Variants in ANO2 observed in about 807,000 individuals in gnomAD.
ANO2 encodes anoctamin-2.
Under a neutral mutation model 124.2 loss-of-function variants are expected in ANO2, and 101 were observed. The ratio of observed to expected loss-of-function variants is 0.81; its 90% confidence interval spans 0.69 to 0.96. The LOEUF (loss-of-function observed/expected upper bound fraction) is 0.96. ANO2 is among the 40% of genes least tolerant of loss of function. The pLI, the probability that ANO2 is intolerant of heterozygous loss-of-function variation, is 0.00. For synonymous variants in ANO2, 486 were observed against 482.5 expected, an observed-to-expected ratio of 1.01 and a Z score of -0.09; for missense variants, 1,293 against 1,274.5, an observed-to-expected ratio of 1.01 and a Z score of -0.22.
At chr12:5,579,037 C>T (rs1264667497) in intron 20 of ANO2, among the ~76,000 whole-genome samples, 1 of 152,266 alleles carries the variant, frequency 6.6e-6, no homozygotes, top group Non-Finnish European at 1.5e-5. Flanking sequence ...GGCCCACGGG[C>T]CACAGTTTGC....
chr12:5,717,551 G>A (rs551520997), intron 14 of ANO2, among the ~76,000 whole-genome samples: 6 of 152,262 alleles, frequency 3.9e-5, no homozygotes, highest in East Asian at 3.9e-4. Flanking sequence ...TGTAAGATAC[G>A]TAAGTAACTT....
In ANO2 at chr12:5,862,152, T is replaced by C. The variant is rs58716921; in HGVS notation, c.535-8011A>G. 0.017 allele frequency among the ~76,000 whole-genome samples: 2,638 copies of C among 151,760 alleles called. 68 individuals carry two copies. The highest frequency in any genetic ancestry group is 0.056 in the African/African-American group (2,334 of 41,346). Reference sequence around the variant, plus strand: ...AAGTTCCTGCCTAGGGAAGGAAAGGTGGAAATCTGCTCTGCTGGGAGCTCC... The same window carrying C: ...AAGTTCCTGCCTAGGGAAGGAAAGGCGGAAATCTGCTCTGCTGGGAGCTCC... On this transcript the variant is annotated intron_variant, in intron 3 of 24. Coordinates refer to ENST00000682330, the MANE Select transcript of ANO2 (RefSeq NM_001364791.2). The surrounding 1 kb of genome is among the most constrained non-coding windows in gnomAD (Gnocchi z 4.0).
chr12:5,826,437 CATATATAT>C (rs10526567), intron 7 of ANO2, among the ~76,000 whole-genome samples: 255 of 144,302 alleles, frequency 1.8e-3, no homozygotes, highest in African/African-American at 6.3e-3. Flanking sequence ...TTAATAAACT[CATATATAT>C]ATATATATAT....
chr12:5,629,153 G>A (rs964812683), intron 16 of ANO2, among the ~76,000 whole-genome samples: 3 of 152,262 alleles, frequency 2.0e-5, no homozygotes, highest in South Asian at 2.1e-4. Flanking sequence ...GAGGTTGGAC[G>A]GCGAGGGAGG....
chr12:5,600,173 A>C (rs1943867956), intron 19 of ANO2, among the ~76,000 whole-genome samples: 1 of 151,900 alleles, frequency 6.6e-6, no homozygotes, highest in Non-Finnish European at 1.5e-5. Flanking sequence ...TATGACTTTT[A>C]GGAGGTAATT....
intron 1 of ANO2, among the ~76,000 whole-genome samples, chr12:5,942,509 C>G (rs964829937): frequency 6.6e-6 from 1 of 152,204 alleles, no homozygotes; most frequent in Non-Finnish European, 1.5e-5. Flanking sequence ...TACTTACTGT[C>G]TTCCCTTTCC....
chr12:5,894,230 T>A (rs957855432), intron 3 of ANO2, among the ~76,000 whole-genome samples: 4 of 152,252 alleles, frequency 2.6e-5, no homozygotes, highest in African/African-American at 7.2e-5. Context: ...TGCATTTCTC[T>A]AATGACCAGT....
chr12:5,564,414 A>G (rs1231718267), intron 24 of ANO2: 1 of 152,442 alleles, frequency 6.6e-6, no homozygotes, highest in Non-Finnish European at 1.5e-5. Flanking sequence ...CCCAGGCCAC[A>G]CTTCACCCAG....
At chr12:5,717,379 A>G (rs936409766) in intron 14 of ANO2, among the ~76,000 whole-genome samples, 13 of 152,230 alleles carry the variant, frequency 8.5e-5, no homozygotes, top group Admixed American at 7.9e-4. Context: ...TTCCCCTGAA[A>G]GCCAAGGTAA....
intron 3 of ANO2, among the ~76,000 whole-genome samples, chr12:5,909,386 T>TACA (rs1940900318): frequency 6.6e-6 from 1 of 152,216 alleles, no homozygotes; most frequent in Admixed American, 6.5e-5. Context: ...GCAAAAACTT[T>TACA]ATCAATTTTT....
chr12:5,567,043 A>G (rs561730438), intron 23 of ANO2, among the ~76,000 whole-genome samples: 18 of 152,358 alleles, frequency 1.2e-4, no homozygotes, highest in Non-Finnish European at 1.9e-4. Flanking sequence ...AGACGCACAC[A>G]CAAAGATAAA....
chr12:5,703,040 A>G (rs2137029913), intron 14 of ANO2, among the ~76,000 whole-genome samples: 1 of 152,302 alleles, frequency 6.6e-6, no homozygotes, highest in South Asian at 2.1e-4. Context: ...ACACATATGT[A>G]AGAGGATTCA....
intron 14 of ANO2, among the ~76,000 whole-genome samples, chr12:5,672,050 G>A (rs578049125): frequency 1.3e-5 from 2 of 152,178 alleles, no homozygotes; most frequent in Non-Finnish European, 2.9e-5. Context: ...GCTGAGGACT[G>A]GAAGGGACAG....
chr12:5,941,479 C>A (rs746890053), intron 1 of ANO2, among the ~76,000 whole-genome samples: 1 of 151,426 alleles, frequency 6.6e-6, no homozygotes, highest in African/African-American at 2.4e-5. Context: ...TAGGGCGATA[C>A]CAAACAAGCT....
chr12:5,934,031 G>A (rs1364650237), intron 1 of ANO2, among the ~76,000 whole-genome samples: 1 of 152,188 alleles, frequency 6.6e-6, no homozygotes, highest in African/African-American at 2.4e-5. Context: ...AAACAGGATG[G>A]ATTCCCCTGT....
intron 3 of ANO2, among the ~76,000 whole-genome samples, chr12:5,871,095 G>T (rs950491682): frequency 7.9e-5 from 12 of 152,160 alleles, no homozygotes; most frequent in Non-Finnish European, 1.8e-4. Flanking sequence ...GCTCTCCACG[G>T]CCCCAGTCGT....
At chr12:5,676,917 G>T (rs1948272477) in intron 14 of ANO2, among the ~76,000 whole-genome samples, 3 of 152,246 alleles carry the variant, frequency 2.0e-5, no homozygotes, top group Admixed American at 6.5e-5. Context: ...AACCAGGCGT[G>T]GTGGTGCACA....
At chr12:5,930,429 T>C (rs2136315546) in intron 1 of ANO2, among the ~76,000 whole-genome samples, 1 of 152,112 alleles carries the variant, frequency 6.6e-6, no homozygotes, top group South Asian at 2.1e-4. Flanking sequence ...GGATGAGTGT[T>C]GGGAGATGAA....
In ANO2 at chr12:5,854,081, C is replaced by T; in HGVS notation, c.595G>A (p.Glu199Lys). The change falls in exon 4 of 25, where the codon GAG (glutamate) becomes AAG (lysine). Residue 199 changes from glutamate to lysine, a missense_variant. Glu to Lys is a moderately conservative substitution (Grantham distance 56, BLOSUM62 1). Transcript: ENST00000682330. ...IHAPWQVLAR[E>K]AEFLKIKVPT... The stretch of plus-strand genomic sequence containing the variant: ...ACTTTGATCTTCAAGAATTCTGCCT[C>T]TCTGGCCAGCACCTGCCACGGGGCG... The T allele has an allele frequency of 6.2e-7, 1 of 1,613,708 alleles. No homozygotes were observed. Among genetic ancestry groups the T allele is most frequent in the Non-Finnish European group, 8.5e-7 (1 of 1,179,716 alleles).
Sources: gnomAD v4.1 joint callset for allele counts (sites outside exome capture counted in the v4.1 genomes callset) on GRCh38, gnomAD v4.1.1 for gene constraint, Gnocchi (gnomAD v3.1) non-coding constraint, MANE v1.5 for transcripts, NCBI Gene and HGNC (gene_info 2026-07-23, HGNC 2026-07-21) for gene names.